Variants in WNK1 observed in about 807,000 individuals in gnomAD.
WNK1 encodes the protein serine/threonine-protein kinase WNK1.
Under a neutral mutation model 222.8 loss-of-function variants are expected in WNK1, and 38 were observed. The observed-to-expected ratio is 0.17, with a 90% CI of 0.13 to 0.22. WNK1 has a LOEUF of 0.22. Ranked by LOEUF, WNK1 falls within the 10% of genes least tolerant of loss-of-function variation. The pLI, the probability that WNK1 is intolerant of heterozygous loss-of-function variation, is 1.00. For missense variants in WNK1, 2,348 were observed against 2,918.4 expected, an observed-to-expected ratio of 0.80 and a Z score of 4.50; for synonymous variants, 1,090 against 1,092.9, an observed-to-expected ratio of 1.00 and a Z score of 0.05.
chr12:878,113 A>ATT, intron 9 of WNK1, 99 bp from the exon 10 acceptor site: 2 of 1,470,608 alleles, frequency 1.4e-6, no homozygotes, highest in Non-Finnish European at 1.9e-6. Context: ...TAAAATCATC[A>ATT]TTATTTACAG....
rs535689530 is a variant in WNK1 at position 824,617 on chromosome 12, C to G, written c.933-2425C>G. Among the ~76,000 whole-genome samples the G allele has an allele frequency of 4.0e-5, 6 of 151,660 alleles. No individual in the cohort carries two copies. In the East Asian group the frequency reaches 1.2e-3, roughly 29 times the overall value. ...AATGATAGATATAATTTAAGTAGAT[C>G]TTAAAGGATAAACAGGTTTTCTGTA... On this transcript the variant is annotated intron_variant, in intron 2 of 27. Coordinates refer to ENST00000315939, the MANE Select transcript of WNK1 (RefSeq NM_018979.4).
chr12:854,253 A>G (rs1472944475), intron 4 of WNK1, among the ~76,000 whole-genome samples: 1 of 151,446 alleles, frequency 6.6e-6, no homozygotes, highest in African/African-American at 2.4e-5. Context: ...CTGTAGTCCC[A>G]GCTACTTGGG....
Position 809,934 on chromosome 12 carries a change from A to G in WNK1, c.760-3708A>G, listed in dbSNP as rs1220218464. Among the ~76,000 whole-genome samples, 3 of 152,118 alleles carry G rather than the reference A, an allele frequency of 2.0e-5. No homozygotes were observed. The South Asian group carries it at 6.2e-4, about 31-fold the overall frequency. On this transcript the variant is annotated intron_variant, in intron 1 of 27. Coordinates refer to ENST00000315939, the MANE Select transcript of WNK1 (RefSeq NM_018979.4). ...TTTTTATTTCTTTATCCTAATACCC[A>G]ACAACAATTAGTATCACTTTAAAAG...
chr12:889,469 T>G (rs1397342731), intron 21 of WNK1, among the ~76,000 whole-genome samples: 1 of 152,198 alleles, frequency 6.6e-6, no homozygotes, highest in African/African-American at 2.4e-5. Flanking sequence ...GTGCCATAGA[T>G]CAATTCTATG....
rs756928358 is a variant in WNK1 at position 896,266 on chromosome 12, A to G, written c.5779A>G (p.Lys1927Glu). 6.2e-7 allele frequency: 1 copy of G among 1,614,230 alleles called. No homozygotes were observed. The highest frequency in any genetic ancestry group is 1.7e-5 in the Admixed American group (1 of 60,030). ...TTCAGATGTGCCAGAGAGTGCCCACAAAACTACTGCCTCAGAGGCAAAGTC... is the reference window on the plus strand; with the variant it reads ...TTCAGATGTGCCAGAGAGTGCCCACGAAACTACTGCCTCAGAGGCAAAGTC... ...ISSDVPESAH[K>E]TTASEAKSDT... Residue 1927 changes from lysine to glutamate, a missense_variant, in exon 24 of 28, where the codon AAA (lysine) becomes GAA (glutamate). Around this residue, in one of 13 missense-constraint regions of WNK1, gnomAD observed 1,144 missense variants for 1,273.6 expected, o/e 0.90. Coordinates refer to ENST00000315939, the MANE Select transcript of WNK1 (RefSeq NM_018979.4).
At chr12:795,430 G>A (rs1945225750) in intron 1 of WNK1, among the ~76,000 whole-genome samples, 1 of 151,886 alleles carries the variant, frequency 6.6e-6, no homozygotes, top group South Asian at 2.1e-4. Context: ...GAATCATGGG[G>A]GCCGTTTCCT....
At position 753,688 on chromosome 12, in the gene WNK1, C is replaced by T; in HGVS notation, c.123C>T (p.Ala41=). 1 of 1,612,014 alleles carries T rather than the reference C, an allele frequency of 6.2e-7. No homozygotes were observed. The highest frequency in any genetic ancestry group is 1.1e-5 in the South Asian group (1 of 91,066). Residue 41 remains alanine, a synonymous_variant, in exon 1 of 28, where the codon GCC becomes GCT. Coordinates refer to ENST00000315939, the MANE Select transcript of WNK1 (RefSeq NM_018979.4). This position sits in a 1 kb window ranked among gnomAD's most constrained non-coding sequence, Gnocchi z 5.2. The part of the protein sequence containing the change: ...SDSSVGEKLG[A]AAADAVTGRT... ...CCTCCGTGGGGGAGAAACTGGGAGCCGCGGCCGCCGACGCTGTGACCGGCA... is the reference window on the plus strand; with the variant it reads ...CCTCCGTGGGGGAGAAACTGGGAGCTGCGGCCGCCGACGCTGTGACCGGCA...
intron 2 of WNK1, among the ~76,000 whole-genome samples, chr12:818,976 T>C (rs1947615257): frequency 6.6e-6 from 1 of 152,226 alleles, no homozygotes. Flanking sequence ...TTCTTTTGGC[T>C]GTATACTAGG....
chr12:882,581 C>T (rs1470243362), intron 14 of WNK1, among the ~76,000 whole-genome samples: 2 of 152,132 alleles, frequency 1.3e-5, no homozygotes, highest in Non-Finnish European at 2.9e-5. Flanking sequence ...GTTCATAAAG[C>T]TATGATAGGG....
intron 8 of WNK1, among the ~76,000 whole-genome samples, chr12:864,700 G>GTAC (rs1951493201): frequency 6.6e-6 from 1 of 152,144 alleles, no homozygotes. Context: ...ATCTTTTAAT[G>GTAC]TACTTTAAAC....
rs142543401 is a variant in WNK1 at position 885,158 on chromosome 12, A to G, written c.4354A>G (p.Thr1452Ala). The change falls in exon 19 of 28, where the codon ACA becomes GCA. Residue 1452 changes from threonine to alanine, a missense_variant. By Grantham distance (58) the Thr-to-Ala change is moderately conservative. Around this residue, in one of 13 missense-constraint regions of WNK1, gnomAD observed 1,144 missense variants for 1,273.6 expected, o/e 0.90. Transcript: ENST00000315939. ...VSSTALYPSVTVSATSASAGG... is the reference protein window; with the variant it reads ...VSSTALYPSVAVSATSASAGG... ...TAGTACAGCACTGTATCCTTCAGTA[A>G]CAGTTTCAGCAACTTCAGCCTCTGC... The G allele has an allele frequency of 1.3e-3, 2,069 of 1,614,112 alleles. 18 individuals are homozygous for G. Among genetic ancestry groups the G allele is most frequent in the South Asian group, 8.2e-3 (751 of 91,054 alleles).
chr12:854,831 C>T (rs1404830315), intron 4 of WNK1, among the ~76,000 whole-genome samples: 1 of 152,128 alleles, frequency 6.6e-6, no homozygotes, highest in Admixed American at 6.5e-5. Flanking sequence ...TAAAATGACC[C>T]ATAGTATTTA....
At chr12:820,477 T>G (rs926099688) in intron 2 of WNK1, among the ~76,000 whole-genome samples, 3 of 148,090 alleles carry the variant, frequency 2.0e-5, no homozygotes, top group African/African-American at 7.5e-5. Flanking sequence ...TTTTTTTTTT[T>G]TTTTTTTTTT....
intron 1 of WNK1, among the ~76,000 whole-genome samples, chr12:773,214 C>T (rs561032305): frequency 6.6e-4 from 100 of 151,972 alleles, no homozygotes; most frequent in African/African-American, 2.4e-3. Flanking sequence ...GCTGAGATTG[C>T]GCCATTGCAT....
intron 5 of WNK1, 105 bp from the exon 6 acceptor site, chr12:859,140 A>T: frequency 9.9e-7 from 1 of 1,006,476 alleles, no homozygotes; most frequent in Non-Finnish European, 1.5e-6. Context: ...ATTTTTTCCC[A>T]TTTTTTTCTT....
chr12:818,568 C>T (rs2154018903), intron 2 of WNK1, among the ~76,000 whole-genome samples: 1 of 152,338 alleles, frequency 6.6e-6, no homozygotes, highest in East Asian at 1.9e-4. Context: ...AAACACATTT[C>T]TGTGCAATTT....
chr12:854,570 A>C (rs898311191), intron 4 of WNK1, among the ~76,000 whole-genome samples: 6 of 151,558 alleles, frequency 4.0e-5, no homozygotes, highest in Admixed American at 6.6e-5. Context: ...GCTGTCTTGC[A>C]CTCCTGACCT....
chr12:831,398 C>A (rs1377669175), intron 4 of WNK1, among the ~76,000 whole-genome samples: 1 of 151,904 alleles, frequency 6.6e-6, no homozygotes, highest in Admixed American at 6.6e-5. Context: ...ATTAGCCAGG[C>A]GTGGTGGTGC....
At chr12:817,932 A>G (rs1233014086) in intron 2 of WNK1, among the ~76,000 whole-genome samples, 1 of 152,222 alleles carries the variant, frequency 6.6e-6, no homozygotes, top group Non-Finnish European at 1.5e-5. Context: ...AGCCTGGGTG[A>G]CAGAGTGAGA....
Sources: allele counts gnomAD v4.1 joint callset (sites outside exome capture counted in the v4.1 genomes callset), GRCh38; gene constraint gnomAD v4.1.1; regional missense constraint gnomAD v4.1.1; non-coding constraint Gnocchi (gnomAD v3.1); transcripts MANE v1.5; gene names NCBI Gene and HGNC (gene_info 2026-07-23, HGNC 2026-07-21).